The following SHISA9 variants were observed in gnomAD, a reference collection of about 807,000 sequenced individuals.
The protein encoded by SHISA9 is protein shisa-9.
Under a neutral mutation model 38.0 loss-of-function variants are expected in SHISA9, and 13 were observed. That is an observed-to-expected ratio of 0.34 (90% CI 0.22 to 0.54). The LOEUF (loss-of-function observed/expected upper bound fraction) is 0.54. Among genes scored for constraint, SHISA9 ranks in the 20% least tolerant of loss-of-function variants. SHISA9 has a pLI of 0.91. For synonymous variants in SHISA9, 275 were observed against 242.0 expected, an observed-to-expected ratio of 1.14 and a Z score of -1.27; for missense variants, 538 against 575.8, an observed-to-expected ratio of 0.93 and a Z score of 0.67.
At chr16:13,505,588 G>A in the SHISA9 span, among the ~76,000 whole-genome samples, 2 of 152,352 alleles carry the variant, frequency 1.3e-5, no homozygotes, top group South Asian at 2.1e-4. Context: ...CTGAGATGTG[G>A]AGTGGTTCAC....
At chr16:13,492,321 C>A in the SHISA9 span, among the ~76,000 whole-genome samples, 1 of 152,136 alleles carries the variant, frequency 6.6e-6, no homozygotes, top group South Asian at 2.1e-4. Context: ...GGAAGCAGGC[C>A]ATGTTCCTAA....
the SHISA9 span, among the ~76,000 whole-genome samples, chr16:13,530,648 G>C: frequency 6.6e-6 from 1 of 151,728 alleles, no homozygotes; most frequent in East Asian, 1.9e-4. Flanking sequence ...CCTACCTATA[G>C]TGTACCCTAG....
the SHISA9 span, among the ~76,000 whole-genome samples, chr16:13,514,397 G>A: frequency 6.6e-6 from 1 of 152,068 alleles, no homozygotes; most frequent in African/African-American, 2.4e-5. Context: ...AATCAAACCA[G>A]ACTCAGAAAT....
At chr16:13,484,263 G>A in the SHISA9 span, among the ~76,000 whole-genome samples, 10 of 152,250 alleles carry the variant, frequency 6.6e-5, no homozygotes, top group Admixed American at 1.3e-4. Flanking sequence ...GAGTTTTTCC[G>A]AAACAAGTGT....
intron 2 of SHISA9, among the ~76,000 whole-genome samples, chr16:13,056,986 GC>G (rs1463846240): frequency 6.6e-6 from 1 of 152,254 alleles, no homozygotes; most frequent in Non-Finnish European, 1.5e-5. Context: ...TGGTATGTTA[GC>G]TGTGAGGCTA....
chr16:13,497,578 A>G, the SHISA9 span, among the ~76,000 whole-genome samples: 1 of 151,602 alleles, frequency 6.6e-6, no homozygotes, highest in Non-Finnish European at 1.5e-5. Context: ...CCAGCTACTC[A>G]GGAAACTGAG....
the SHISA9 span, among the ~76,000 whole-genome samples, chr16:13,322,200 C>T: frequency 1.3e-5 from 2 of 152,186 alleles, no homozygotes; most frequent in Non-Finnish European, 2.9e-5. Context: ...CCAACCAGAT[C>T]AGCAAATCAG....
At chr16:12,939,991 A>C (rs1177491387) in intron 2 of SHISA9, among the ~76,000 whole-genome samples, 2 of 152,180 alleles carry the variant, frequency 1.3e-5, no homozygotes, top group African/African-American at 2.4e-5. Flanking sequence ...TACTGCCTTA[A>C]AAGTCATTAT....
intron 2 of SHISA9, among the ~76,000 whole-genome samples, chr16:13,189,171 C>T (rs1278560604): frequency 4.6e-5 from 7 of 152,160 alleles, no homozygotes; most frequent in Non-Finnish European, 1.0e-4. Flanking sequence ...TAAGCCACTC[C>T]ATTTGTTGTT....
At chr16:13,134,443 A>T (rs1027129013) in intron 2 of SHISA9, among the ~76,000 whole-genome samples, 23 of 152,118 alleles carry the variant, frequency 1.5e-4, no homozygotes, top group Non-Finnish European at 2.8e-4. Context: ...TCCCAGGCCA[A>T]TGGGGGAGAG....
At chr16:12,987,258 G>A (rs1428676656) in intron 2 of SHISA9, among the ~76,000 whole-genome samples, 1 of 152,156 alleles carries the variant, frequency 6.6e-6, no homozygotes, top group Non-Finnish European at 1.5e-5. Context: ...GGTTCAAATT[G>A]TATATTTGGA....
the SHISA9 span, among the ~76,000 whole-genome samples, chr16:13,262,560 C>A: frequency 6.6e-6 from 1 of 151,528 alleles, no homozygotes; most frequent in Non-Finnish European, 1.5e-5. Context: ...TTCAACTTGA[C>A]CCATAGAAGG....
chr16:13,217,961 C>G (rs905060587), intron 4 of SHISA9, among the ~76,000 whole-genome samples: 2 of 133,372 alleles, frequency 1.5e-5, no homozygotes, highest in Non-Finnish European at 3.1e-5. Context: ...AACGTGGAGG[C>G]AGAGGCTGCA....
At chr16:13,490,980 C>T in the SHISA9 span, among the ~76,000 whole-genome samples, 15 of 152,288 alleles carry the variant, frequency 9.8e-5, no homozygotes, top group African/African-American at 3.6e-4. Flanking sequence ...TGTATTGCTG[C>T]AAGATGTATA....
the SHISA9 span, among the ~76,000 whole-genome samples, chr16:13,464,977 G>C: frequency 2.0e-5 from 3 of 152,068 alleles, no homozygotes; most frequent in African/African-American, 7.2e-5. Context: ...GATTTTCTTA[G>C]GAAGGATAAT....
the SHISA9 span, among the ~76,000 whole-genome samples, chr16:13,257,524 A>T: frequency 6.6e-6 from 1 of 152,178 alleles, no homozygotes; most frequent in South Asian, 2.1e-4. Flanking sequence ...CTCTTGGCCT[A>T]TGTGAGGCTT....
intron 2 of SHISA9, among the ~76,000 whole-genome samples, chr16:13,201,622 C>T (rs1337886607): frequency 7.6e-6 from 1 of 131,388 alleles, no homozygotes; most frequent in Non-Finnish European, 1.6e-5. Flanking sequence ...ACTACCTGGC[C>T]CTTTACAGAA....
the SHISA9 span, chr16:13,350,241 G>A: frequency 6.6e-6 from 1 of 152,224 alleles, no homozygotes; most frequent in Non-Finnish European, 1.5e-5. Context: ...CTGGCCTTCA[G>A]ACTTCAAGAC....
At chr16:13,289,269 A>G in the SHISA9 span, among the ~76,000 whole-genome samples, 1 of 149,326 alleles carries the variant, frequency 6.7e-6, no homozygotes, top group Admixed American at 6.8e-5. Flanking sequence ...AGGTGGGCAG[A>G]TGACATTGCC....
Sources: gnomAD v4.1 joint callset for allele counts (sites outside exome capture counted in the v4.1 genomes callset) on GRCh38, gnomAD v4.1.1 for gene constraint, MANE v1.5 for transcripts, NCBI Gene and HGNC (gene_info 2026-07-23, HGNC 2026-07-21) for gene names.